Variants in TNRC6B observed in about 807,000 individuals in gnomAD.
The protein encoded by TNRC6B is trinucleotide repeat-containing gene 6B protein.
Under a neutral mutation model 203.6 loss-of-function variants are expected in TNRC6B, and 52 were observed. The observed-to-expected ratio is 0.26, with a 90% CI of 0.20 to 0.32. TNRC6B has a LOEUF of 0.32. Ranked by LOEUF, TNRC6B falls within the 10% of genes least tolerant of loss-of-function variation. The pLI, the probability that TNRC6B is intolerant of heterozygous loss-of-function variation, is 1.00. For missense variants in TNRC6B, 1,923 were observed against 2,286.2 expected (o/e 0.84, Z 3.24); for synonymous variants, 838 against 845.7 (o/e 0.99, Z 0.16).
intron 4 of TNRC6B, among the ~76,000 whole-genome samples, chr22:40,162,242 C>T (rs907578147): frequency 6.6e-6 from 1 of 152,116 alleles, no homozygotes; most frequent in African/African-American, 2.4e-5. Flanking sequence ...TATAGGTACA[C>T]GCCACCACGC....
At chr22:40,225,841 A>G (rs1248238403) in intron 1 of TNRC6B, among the ~76,000 whole-genome samples, 41 of 152,054 alleles carry the variant, frequency 2.7e-4, no homozygotes, top group Non-Finnish European at 4.9e-4. Context: ...GATCATTCAC[A>G]GAACATTTCC....
At chr22:40,134,297 A>G (rs75745873) in intron 3 of TNRC6B, among the ~76,000 whole-genome samples, 1,710 of 152,298 alleles carry the variant, frequency 0.011, 24 homozygotes, top group African/African-American at 0.038. Flanking sequence ...TGGCACTTCA[A>G]TTTCTAGTTG....
chr22:40,079,333 G>A (rs1299768643), intron 1 of TNRC6B, among the ~76,000 whole-genome samples: 1 of 152,094 alleles, frequency 6.6e-6, no homozygotes, highest in East Asian at 1.9e-4. Context: ...GCCTTGATAA[G>A]CAGCAAGGTA....
In TNRC6B at chr22:40,300,513, A is replaced by G. The variant is rs747209476; in HGVS notation, c.3767A>G (p.Asn1256Ser). ...AGTGGCCTGAGTCCAGGTCTTTTCA[A>G]TGTGGGGCCCCAGTTATCTCCTCAA... ...PNSGLSPGLF[N>S]VGPQLSPQQI... is the part of the protein sequence containing the mutation. The change falls in exon 13 of 23, where the codon AAT becomes AGT. Residue 1256 changes from asparagine to serine, a missense_variant. Coordinates refer to ENST00000454349, the MANE Select transcript of TNRC6B (RefSeq NM_001162501.2). The G allele has an allele frequency of 3.1e-6, 5 of 1,613,046 alleles. No homozygotes were observed. Among genetic ancestry groups the G allele is most frequent in the Non-Finnish European group, 4.2e-6 (5 of 1,179,614 alleles).
intron 1 of TNRC6B, among the ~76,000 whole-genome samples, chr22:40,209,267 C>T (rs1038232560): frequency 2.6e-5 from 4 of 152,080 alleles, no homozygotes; most frequent in Non-Finnish European, 4.4e-5. Flanking sequence ...ATACCTGCCC[C>T]CTTTCTACCA....
At position 40,285,656 on chromosome 22, in the gene TNRC6B, T is replaced by C. The variant is rs778460292; in HGVS notation, c.3594T>C (p.His1198=). ...QNFAARQGGS[H]GLFGNSTAQS... ...TTTTCTGTTTACAGGGCGGTAGTCA[T>C]GGTTTGTTTGGAAACAGCACAGCAC... Residue 1198 remains histidine, a synonymous_variant, in exon 12 of 23, where the codon CAT becomes CAC. Coordinates refer to ENST00000454349, the MANE Select transcript of TNRC6B (RefSeq NM_001162501.2). 9 of 1,612,632 alleles carry C rather than the reference T, an allele frequency of 5.6e-6. No homozygotes were observed. The highest frequency in any genetic ancestry group is 2.2e-5 in the South Asian group (2 of 90,770).
rs2071252453 is a variant in TNRC6B at position 40,315,977 on chromosome 22, A to G, written c.4939A>G (p.Ser1647Gly). Residue 1647 changes from serine to glycine, a missense_variant, in exon 21 of 23, where the codon AGT becomes GGT. Coordinates refer to ENST00000454349, the MANE Select transcript of TNRC6B (RefSeq NM_001162501.2). ...GAGTGATGGTGGCTCAGTTCGTCCT[A>G]GTTACTGGCTGGTTCTTCACAATCT... Reference protein sequence around the residue: ...TWSDGGSVRPSYWLVLHNLTP... With the variant: ...TWSDGGSVRPGYWLVLHNLTP... 3 of 1,613,800 alleles carry G rather than the reference A, an allele frequency of 1.9e-6. No homozygotes were observed. Among genetic ancestry groups the G allele is most frequent in the Non-Finnish European group, 2.5e-6 (3 of 1,179,830 alleles).
chr22:40,193,524 G>A (rs1247784602), intron 1 of TNRC6B, among the ~76,000 whole-genome samples: 3 of 152,158 alleles, frequency 2.0e-5, no homozygotes. Context: ...AAGGCGTGAG[G>A]ATGAGCTCTA....
intron 1 of TNRC6B, among the ~76,000 whole-genome samples, chr22:40,187,466 C>T (rs1035356291): frequency 8.5e-5 from 13 of 152,194 alleles, no homozygotes; most frequent in Admixed American, 7.9e-4. Context: ...CCGGTTTGTG[C>T]CATGTTTCTG....
Position 40,209,140 on chromosome 22 carries a change from A to G in TNRC6B, c.5+31000A>G, listed in dbSNP as rs558675525. Among the ~76,000 whole-genome samples, 104 of 152,292 alleles carry G rather than the reference A, an allele frequency of 6.8e-4. No individual in the cohort carries two copies. The Middle Eastern group carries it at 0.01, about 15-fold the overall frequency. ...TTAGGTTCTCTTTCAGCTTTCATGC[A>G]TGTCAGCCATTTAATTTTGCTGTTC... On this transcript the variant is annotated intron_variant, in intron 1 of 22. Coordinates refer to ENST00000454349, the MANE Select transcript of TNRC6B (RefSeq NM_001162501.2).
intron 4 of TNRC6B, among the ~76,000 whole-genome samples, chr22:40,158,576 C>T (rs192205207): frequency 6.6e-6 from 1 of 152,154 alleles, no homozygotes; most frequent in African/African-American, 2.4e-5. Flanking sequence ...GGCAGATTCT[C>T]CTACAAGTTT....
chr22:40,097,417 T>C (rs1364836908), intron 1 of TNRC6B, among the ~76,000 whole-genome samples: 1 of 152,120 alleles, frequency 6.6e-6, no homozygotes, highest in Non-Finnish European at 1.5e-5. Context: ...ACAGTCCTCC[T>C]GCTTCAGCCT....
intron 1 of TNRC6B, among the ~76,000 whole-genome samples, chr22:40,085,517 A>G (rs1449208385): frequency 1.3e-5 from 2 of 152,160 alleles, no homozygotes; most frequent in African/African-American, 4.8e-5. Flanking sequence ...TTTGTCCTAT[A>G]GTTTCTTACA....
intron 4 of TNRC6B, among the ~76,000 whole-genome samples, chr22:40,161,871 A>G (rs746234476): frequency 5.3e-5 from 8 of 152,230 alleles, no homozygotes; most frequent in Non-Finnish European, 1.2e-4. Context: ...AAAATTACAC[A>G]GCTTTAATTG....
chr22:40,166,378 C>T (rs1358642512), intron 4 of TNRC6B, among the ~76,000 whole-genome samples: 1 of 150,806 alleles, frequency 6.6e-6, no homozygotes, highest in Non-Finnish European at 1.5e-5. Flanking sequence ...AATTGGTTGC[C>T]TAACACATGG....
intron 1 of TNRC6B, chr22:40,106,554 C>G: frequency 8.2e-6 from 6 of 731,148 alleles, no homozygotes; most frequent in Non-Finnish European, 1.5e-5. Context: ...AAAGTGTTAT[C>G]TGTCAAAGCA....
chr22:40,285,045 A>G (rs1027365047), intron 11 of TNRC6B, among the ~76,000 whole-genome samples: 3 of 152,142 alleles, frequency 2.0e-5, no homozygotes, highest in Non-Finnish European at 4.4e-5. Flanking sequence ...CAGGTGAGTA[A>G]TGTTTATTTT....
chr22:40,100,287 G>T (rs1317744860), intron 1 of TNRC6B, among the ~76,000 whole-genome samples: 1 of 150,724 alleles, frequency 6.6e-6, no homozygotes, highest in African/African-American at 2.4e-5. Flanking sequence ...ACAGGGTCTC[G>T]CCATGTTGCC....
At chr22:40,238,992 C>T (rs1333879726) in intron 1 of TNRC6B, among the ~76,000 whole-genome samples, 1 of 151,864 alleles carries the variant, frequency 6.6e-6, no homozygotes, top group African/African-American at 2.4e-5. Flanking sequence ...CACTTGAGGT[C>T]AGGAGTTCAA....
Sources: allele counts gnomAD v4.1 joint callset (sites outside exome capture counted in the v4.1 genomes callset), GRCh38; gene constraint gnomAD v4.1.1; transcripts MANE v1.5; gene names NCBI Gene and HGNC (gene_info 2026-07-23, HGNC 2026-07-21).